FBXL17: variants seen among roughly 807,000 people sequenced by gnomAD.
FBXL17 encodes the protein F-box and leucine rich repeat protein 17.
In FBXL17, 22 loss-of-function variants were observed where a neutral mutation model predicts 66.2. The observed-to-expected ratio is 0.33, with a 90% CI of 0.24 to 0.47. The LOEUF is 0.47. Ranked by LOEUF, FBXL17 falls within the 20% of genes least tolerant of loss-of-function variation. The probability of loss-of-function intolerance (pLI) is 1.00; values close to 1 mark genes in which losing one functional copy is unlikely to be tolerated. For synonymous variants in FBXL17, 474 were observed against 400.5 expected, an observed-to-expected ratio of 1.18 and a Z score of -2.19; for missense variants, 878 against 948.2, an observed-to-expected ratio of 0.93 and a Z score of 0.97.
intron 4 of FBXL17, among the ~76,000 whole-genome samples, chr5:108,295,681 T>C (rs1758317763): frequency 6.6e-6 from 1 of 151,976 alleles, no homozygotes; most frequent in East Asian, 1.9e-4. Flanking sequence ...TAATAAGAGA[T>C]CTTCCAGTAA....
chr5:108,176,915 A>G (rs1019733110), intron 6 of FBXL17, among the ~76,000 whole-genome samples: 2 of 152,156 alleles, frequency 1.3e-5, no homozygotes, highest in South Asian at 2.1e-4. Flanking sequence ...AATATCATCA[A>G]TTATTTGAAA....
At chr5:107,907,377 A>C (rs558810526) in intron 7 of FBXL17, among the ~76,000 whole-genome samples, 7 of 152,284 alleles carry the variant, frequency 4.6e-5, no homozygotes, top group African/African-American at 1.7e-4. Context: ...AAACACATAC[A>C]TACGGGCTCA....
intron 4 of FBXL17, chr5:108,298,981 A>G: frequency 1.0e-6 from 1 of 971,032 alleles, no homozygotes; most frequent in South Asian, 4.8e-5. Context: ...TTAATGTATT[A>G]GGAGAGTATA....
intron 4 of FBXL17, among the ~76,000 whole-genome samples, chr5:108,310,170 C>A (rs1357444586): frequency 6.6e-6 from 1 of 152,080 alleles, no homozygotes; most frequent in East Asian, 1.9e-4. Context: ...ATTTCCTATA[C>A]AAGATCACAG....
chr5:108,251,433 T>C (rs1310341518), intron 4 of FBXL17, among the ~76,000 whole-genome samples: 1 of 152,070 alleles, frequency 6.6e-6, no homozygotes, highest in Non-Finnish European at 1.5e-5. Context: ...CCCTTTCATT[T>C]TGGGCCTTAA....
chr5:108,142,909 A>G (rs1476084199), intron 6 of FBXL17, among the ~76,000 whole-genome samples: 2 of 151,730 alleles, frequency 1.3e-5, no homozygotes, highest in Admixed American at 1.3e-4. Context: ...GGTGCAGCAA[A>G]CCACCATGGC....
chr5:108,176,711 TAGTA>T (rs1427482867), intron 6 of FBXL17, among the ~76,000 whole-genome samples: 3 of 152,136 alleles, frequency 2.0e-5, no homozygotes, highest in African/African-American at 4.8e-5. Context: ...TGGTGTTACA[TAGTA>T]AGTAGTATTT....
intron 7 of FBXL17, among the ~76,000 whole-genome samples, chr5:107,960,490 A>T (rs1274647503): frequency 6.6e-6 from 1 of 152,066 alleles, no homozygotes; most frequent in Admixed American, 6.6e-5. Flanking sequence ...CCACCAGCCT[A>T]CCCTCTGCTT....
chr5:108,023,640 A>G (rs753108828), intron 6 of FBXL17, among the ~76,000 whole-genome samples: 2 of 152,184 alleles, frequency 1.3e-5, no homozygotes, highest in Non-Finnish European at 2.9e-5. Flanking sequence ...CAAGTAGTAC[A>G]TAACACAAGT....
At chr5:108,009,700 T>C (rs1276110175) in intron 7 of FBXL17, among the ~76,000 whole-genome samples, 1 of 152,164 alleles carries the variant, frequency 6.6e-6, no homozygotes, top group Non-Finnish European at 1.5e-5. Flanking sequence ...AACAGCTTAA[T>C]ATTTAAGTTA....
At chr5:108,330,494 G>T (rs936302440) in intron 4 of FBXL17, among the ~76,000 whole-genome samples, 7 of 151,990 alleles carry the variant, frequency 4.6e-5, no homozygotes, top group Non-Finnish European at 4.4e-5. Context: ...AAACCTTCTA[G>T]GCCAACTGTT....
At position 108,159,744 on chromosome 5, in the gene FBXL17, C is replaced by T. The variant is rs369362495; in HGVS notation, c.1745+26373G>A. On this transcript the variant is annotated intron_variant, in intron 6 of 8. Coordinates refer to ENST00000542267, the MANE Select transcript of FBXL17 (RefSeq NM_001163315.3). Reference sequence around the variant, plus strand: ...GTGTAAAGATACACTCAAAAGTGTTCGGATAGACTTTAAATAATGGGTGAA... The same window carrying T: ...GTGTAAAGATACACTCAAAAGTGTTTGGATAGACTTTAAATAATGGGTGAA... 5.6e-4 allele frequency among the ~76,000 whole-genome samples: 86 copies of T among 152,228 alleles called. 1 individual carries two copies. In the South Asian group the frequency reaches 0.013, roughly 23 times the overall value.
chr5:108,009,638 T>C (rs1166530095), intron 7 of FBXL17, among the ~76,000 whole-genome samples: 1 of 152,068 alleles, frequency 6.6e-6, no homozygotes, highest in African/African-American at 2.4e-5. Flanking sequence ...AAATTCTAGG[T>C]GACTGAGTCT....
chr5:107,967,466 G>T (rs1385052854), intron 7 of FBXL17, among the ~76,000 whole-genome samples: 1 of 145,922 alleles, frequency 6.9e-6, no homozygotes, highest in Non-Finnish European at 1.5e-5. Flanking sequence ...TCACTCATAG[G>T]TGGGAACTGA....
chr5:108,344,183 G>GA (rs76726097), intron 4 of FBXL17, among the ~76,000 whole-genome samples: 2 of 151,984 alleles, frequency 1.3e-5, no homozygotes, highest in Middle Eastern at 3.2e-3. Context: ...TAGGGGGTCG[G>GA]GGGGGAAAGC....
chr5:108,241,325 A>C (rs190588350), intron 4 of FBXL17, among the ~76,000 whole-genome samples: 30 of 152,310 alleles, frequency 2.0e-4, no homozygotes, highest in African/African-American at 7.0e-4. Flanking sequence ...TTTTAAATTG[A>C]GCAGAAATTC....
chr5:108,027,371 C>G (rs1754863508), intron 6 of FBXL17, among the ~76,000 whole-genome samples: 1 of 152,000 alleles, frequency 6.6e-6, no homozygotes, highest in African/African-American at 2.4e-5. Context: ...TCTACTTAAC[C>G]AAAAGTCTTG....
intron 7 of FBXL17, among the ~76,000 whole-genome samples, chr5:107,925,865 T>A (rs1750508256): frequency 6.6e-6 from 1 of 152,192 alleles, no homozygotes; most frequent in Non-Finnish European, 1.5e-5. Context: ...AAGTAATCAA[T>A]ATCTTAATAT....
At chr5:108,039,468 TAACAA>T (rs1253645438) in intron 6 of FBXL17, among the ~76,000 whole-genome samples, 1 of 152,038 alleles carries the variant, frequency 6.6e-6, no homozygotes, top group East Asian at 1.9e-4. Flanking sequence ...TCTGCCTACT[TAACAA>T]AAGAATTGAT....
Sources: gnomAD v4.1 joint callset for allele counts (sites outside exome capture counted in the v4.1 genomes callset) on GRCh38, gnomAD v4.1.1 for gene constraint, MANE v1.5 for transcripts, NCBI Gene and HGNC (gene_info 2026-07-23, HGNC 2026-07-21) for gene names.